The following RADIL variants were observed in gnomAD, a reference collection of about 807,000 sequenced individuals.
RADIL encodes the protein Rap associating with DIL domain.
A neutral mutation model predicts 97.6 loss-of-function variants in RADIL; 99 were observed. The observed-to-expected ratio is 1.01, with a 90% CI of 0.86 to 1.20. The LOEUF is 1.20. Ranked by LOEUF, RADIL falls within the 50% of genes most tolerant of loss-of-function variation. The pLI, the probability that RADIL is intolerant of heterozygous loss-of-function variation, is 0.00. For synonymous variants in RADIL, 803 were observed against 691.8 expected (o/e 1.16, Z -2.52); for missense variants, 1,765 against 1,498.9 (o/e 1.18, Z -2.93).
In RADIL at chr7:4,878,988, A is replaced by G. The variant is rs369311648; in HGVS notation, c.-64-785T>C. Among the ~76,000 whole-genome samples the G allele has an allele frequency of 6.6e-5, 10 of 152,370 alleles. No homozygotes were observed. The highest frequency in any genetic ancestry group is 2.2e-4 in the African/African-American group (9 of 41,592). On this transcript the variant is annotated intron_variant, in intron 1 of 14. Coordinates refer to ENST00000399583, the MANE Select transcript of RADIL (RefSeq NM_018059.5). This position sits in a 1 kb window ranked among gnomAD's most constrained non-coding sequence, Gnocchi z 4.1. ...CCACGTTGGCAGAATAGACCATCAG[A>G]CATTCCAGACACAAACCCCCAGAAT...
chr7:4,804,001 T>C (rs989640359), intron 10 of RADIL: 6 of 557,522 alleles, frequency 1.1e-5, no homozygotes, highest in Middle Eastern at 2.7e-4. Context: ...CAAGGCCTTG[T>C]AGCCAGGAAC....
chr7:4,862,534 C>T (rs904932460), intron 2 of RADIL, among the ~76,000 whole-genome samples: 28 of 152,204 alleles, frequency 1.8e-4, no homozygotes, highest in African/African-American at 7.2e-5. Flanking sequence ...TTTCTTATGG[C>T]AGCTATAAAA....
intron 1 of RADIL, chr7:4,882,096 C>T (rs1454207328): frequency 6.7e-6 from 1 of 149,872 alleles, no homozygotes; most frequent in Non-Finnish European, 1.5e-5. Flanking sequence ...CCAGAAGTCC[C>T]TGTTACACAA....
At chr7:4,832,671 A>C (rs1465254572) in intron 4 of RADIL, among the ~76,000 whole-genome samples, 2 of 149,290 alleles carry the variant, frequency 1.3e-5, no homozygotes, top group African/African-American at 4.9e-5. Flanking sequence ...CCTGGGAGGC[A>C]GAGGTTGCAG....
intron 2 of RADIL, chr7:4,857,788 G>C (rs1355326479): frequency 6.6e-6 from 1 of 152,484 alleles, no homozygotes; most frequent in Non-Finnish European, 1.5e-5. Flanking sequence ...TAAGTCATCT[G>C]TTTTCAAAAC....
intron 2 of RADIL, among the ~76,000 whole-genome samples, chr7:4,871,558 C>T (rs921117140): frequency 6.6e-6 from 1 of 152,222 alleles, no homozygotes. Flanking sequence ...CCAGCTCCAT[C>T]GCAGCACTGG....
At chr7:4,881,101 TAAAAAAAAAAAAAAAAA>T (rs58900044) in intron 1 of RADIL, among the ~76,000 whole-genome samples, 1,599 of 55,238 alleles carry the variant, frequency 0.029, 57 homozygotes, top group African/African-American at 0.094. Flanking sequence ...CCCTCTCTGT[TAAAAAAAAAAAAAAAAA>T]AAAAAAAAAA....
intron 5 of RADIL, among the ~76,000 whole-genome samples, chr7:4,827,935 T>G: frequency 6.6e-6 from 1 of 150,414 alleles, no homozygotes; most frequent in Admixed American, 6.6e-5. Flanking sequence ...CGTAGACCAG[T>G]TTTACCGATA....
At chr7:4,860,536 G>C in intron 2 of RADIL, 2 of 1,614,074 alleles carry the variant, frequency 1.2e-6, no homozygotes, top group African/African-American at 1.3e-5. Flanking sequence ...GATTTTCTTT[G>C]GGTGCTGGAA....
intron 1 of RADIL, chr7:4,882,185 A>C (rs1051496967): frequency 6.6e-6 from 1 of 152,224 alleles, no homozygotes; most frequent in Non-Finnish European, 1.5e-5. Context: ...GAGGGTGCCC[A>C]CTTGTTCACA....
At chr7:4,799,886 A>G (rs1271439518) in intron 13 of RADIL, 117 bp from the exon 14 acceptor site, 3 of 1,379,352 alleles carry the variant, frequency 2.2e-6, no homozygotes, top group East Asian at 2.5e-5. Flanking sequence ...AGCCAGGCCC[A>G]CTCATGGTTT....
rs538112991 is a variant in RADIL at position 4,835,423 on chromosome 7, G to A, written c.784-184C>T. Among the ~76,000 whole-genome samples, 2 of 152,214 alleles carry A rather than the reference G, an allele frequency of 1.3e-5. No homozygotes were observed. The highest frequency in any genetic ancestry group is 4.1e-4 in the South Asian group (2 of 4,824). ...CTCAGGAACCCGCCCCTCGATGTCC[G>A]GGCCCATCCCAGAGGAGGTCGGTTT... On this transcript the variant is annotated intron_variant, in intron 3 of 14. Coordinates refer to ENST00000399583, the MANE Select transcript of RADIL (RefSeq NM_018059.5). The surrounding 1 kb of genome is among the most constrained non-coding windows in gnomAD (Gnocchi z 5.8).
rs778170812 is a variant in RADIL, at chr7:4,860,271, T to C, written c.535+17334A>G. 2.5e-6 allele frequency: 4 copies of C among 1,613,966 alleles called. No homozygotes were observed. In the Admixed American group the frequency reaches 5.0e-5, roughly 20 times the overall value. ...CTGTCGTTCAAATCTGTCAATCTTCTACCTTCTGTTGAGTGTGCTTTCTTG... is the reference window on the plus strand; with the variant it reads ...CTGTCGTTCAAATCTGTCAATCTTCCACCTTCTGTTGAGTGTGCTTTCTTG... On this transcript the variant is annotated intron_variant, in intron 2 of 14. Coordinates refer to ENST00000399583, the MANE Select transcript of RADIL (RefSeq NM_018059.5).
At position 4,822,214 on chromosome 7, in the gene RADIL, C is replaced by G. The variant is rs886725544; in HGVS notation, c.1615+180G>C. On this transcript the variant is annotated intron_variant, in intron 6 of 14. Transcript: ENST00000399583. This position sits in a 1 kb window ranked among gnomAD's most constrained non-coding sequence, Gnocchi z 5.3. The stretch of plus-strand genomic sequence containing the variant: ...GTGCCAGACTGGCCCGTGCCACCAG[C>G]ACCAGCCTCACAGGCCGTCCCCGAG... Among the ~76,000 whole-genome samples the G allele has an allele frequency of 2.7e-4, 41 of 152,170 alleles. No homozygotes were observed. Among genetic ancestry groups the G allele is most frequent in the African/African-American group, 9.2e-4 (38 of 41,452 alleles).
intron 5 of RADIL, among the ~76,000 whole-genome samples, chr7:4,829,692 T>C (rs543244079): frequency 3.9e-5 from 6 of 152,240 alleles, no homozygotes; most frequent in African/African-American, 1.4e-4. Context: ...TTTGCCATGC[T>C]GTTCTCCCGA....
chr7:4,869,560 C>G (rs1481896854), intron 2 of RADIL, among the ~76,000 whole-genome samples: 1 of 148,546 alleles, frequency 6.7e-6, no homozygotes, highest in Non-Finnish European at 1.5e-5. Flanking sequence ...TTCCATATAG[C>G]TGAAGCCAGT....
chr7:4,801,289 C>T (rs1251926553), intron 12 of RADIL, among the ~76,000 whole-genome samples: 1 of 152,228 alleles, frequency 6.6e-6, no homozygotes, highest in African/African-American at 2.4e-5. Context: ...TGGAGGACTC[C>T]AGCTCCACCT....
chr7:4,834,017 G>A lies in RADIL; in HGVS notation c.1416+590C>T, dbSNP rs534675636. ...CTGCAATGCACAGGCCAGCCTCACA[G>A]CAAGGAGCTCTCCTGCCACAGTGTC... On this transcript the variant is annotated intron_variant, in intron 4 of 14. Transcript: ENST00000399583. The surrounding 1 kb of genome is among the most constrained non-coding windows in gnomAD (Gnocchi z 6.0). 6.6e-6 allele frequency among the ~76,000 whole-genome samples: 1 copy of A among 152,306 alleles called. No individual in the cohort carries two copies. Among genetic ancestry groups the A allele is most frequent in the South Asian group, 2.1e-4 (1 of 4,830 alleles).
At position 4,834,452 on chromosome 7, in the gene RADIL, G is replaced by C. The variant is rs428109; in HGVS notation, c.1416+155C>G. ...TTCTGGTGGCCTGTGGGGCTGGGGG[G>C]CAGCGACAGGCAGGGAAAGGCCGCC... On this transcript the variant is annotated intron_variant, in intron 4 of 14. Coordinates refer to ENST00000399583, the MANE Select transcript of RADIL (RefSeq NM_018059.5). This position sits in a 1 kb window ranked among gnomAD's most constrained non-coding sequence, Gnocchi z 6.0. Among the ~76,000 whole-genome samples, 1 of 152,156 alleles carries C rather than the reference G, an allele frequency of 6.6e-6. No homozygotes were observed. Among genetic ancestry groups the C allele is most frequent in the South Asian group, 2.1e-4 (1 of 4,830 alleles).
Sources: allele counts gnomAD v4.1 joint callset (sites outside exome capture counted in the v4.1 genomes callset), GRCh38; gene constraint gnomAD v4.1.1; non-coding constraint Gnocchi (gnomAD v3.1); transcripts MANE v1.5; gene names NCBI Gene and HGNC (gene_info 2026-07-23, HGNC 2026-07-21).